Variants in ETV6 observed in about 807,000 individuals in gnomAD.
ETV6 encodes ETS variant transcription factor 6.
ETV6 carries 16 observed loss-of-function variants against 51.1 expected under a neutral mutation model. The observed-to-expected ratio is 0.31, with a 90% CI of 0.21 to 0.48. The LOEUF (loss-of-function observed/expected upper bound fraction) is 0.48. Among genes scored for constraint, ETV6 ranks in the 20% least tolerant of loss-of-function variants. ETV6 has a pLI of 0.99. For synonymous variants in ETV6, 240 were observed against 224.1 expected (o/e 1.07, Z -0.64); for missense variants, 458 against 594.8 (o/e 0.77, Z 2.39).
intron 1 of ETV6, among the ~76,000 whole-genome samples, chr12:11,690,256 C>T (rs920561266): frequency 6.6e-6 from 1 of 151,782 alleles, no homozygotes; most frequent in Non-Finnish European, 1.5e-5. Flanking sequence ...GCAGTGTGAG[C>T]TGTCCTTTCT....
chr12:11,650,363 C>G (rs553574296), intron 1 of ETV6, among the ~76,000 whole-genome samples: 1 of 150,224 alleles, frequency 6.7e-6, no homozygotes, highest in African/African-American at 2.4e-5. Context: ...CCGCCGAGCC[C>G]CTGCCGGCTC....
At position 11,890,986 on chromosome 12, in the gene ETV6, T is replaced by C. The variant is rs773273092; in HGVS notation, c.1299T>C (p.Arg433=). The C allele has an allele frequency of 6.2e-7, 1 of 1,613,906 alleles. No individual in the cohort carries two copies. The highest frequency in any genetic ancestry group is 8.5e-7 in the Non-Finnish European group (1 of 1,179,868). The change falls in exon 8 of 8, where the codon CGT becomes CGC. Residue 433 remains arginine, a synonymous_variant. Coordinates refer to ENST00000396373, the MANE Select transcript of ETV6 (RefSeq NM_001987.5). ...AAATCATGAGTGGCCGAACAGACCG[T>C]CTGGAGCACCTAGAGTCCCAGGAGC... ...PDEIMSGRTD[R]LEHLESQELD...
chr12:11,857,252 A>G (rs1051250277), intron 4 of ETV6, among the ~76,000 whole-genome samples: 1 of 152,208 alleles, frequency 6.6e-6, no homozygotes, highest in African/African-American at 2.4e-5. Flanking sequence ...TTACATTGAA[A>G]CTTACATTGA....
intron 4 of ETV6, among the ~76,000 whole-genome samples, chr12:11,858,821 C>G (rs1010497438): frequency 1.6e-5 from 2 of 124,850 alleles, no homozygotes; most frequent in Admixed American, 7.6e-5. Flanking sequence ...ACATGGAAAT[C>G]GCAAGTGATG....
At chr12:11,816,663 T>C (rs1053064027) in intron 2 of ETV6, among the ~76,000 whole-genome samples, 1 of 152,174 alleles carries the variant, frequency 6.6e-6, no homozygotes, top group Non-Finnish European at 1.5e-5. Context: ...GAACTTGGAA[T>C]TGGAAATCTG....
intron 4 of ETV6, among the ~76,000 whole-genome samples, chr12:11,867,853 G>A (rs952619619): frequency 6.6e-6 from 1 of 152,324 alleles, no homozygotes; most frequent in East Asian, 1.9e-4. Flanking sequence ...ATTGAGTTGG[G>A]TGTGGAGCCG....
At chr12:11,885,802 A>T in intron 6 of ETV6, 124 bp from the exon 7 acceptor site, 1 of 665,116 alleles carries the variant, frequency 1.5e-6, no homozygotes, top group East Asian at 2.8e-5. Context: ...AGCTTCCCAA[A>T]CTGGCAGGGC....
At chr12:11,663,582 A>G (rs1178555291) in intron 1 of ETV6, among the ~76,000 whole-genome samples, 2 of 152,236 alleles carry the variant, frequency 1.3e-5, no homozygotes, top group African/African-American at 4.8e-5. Flanking sequence ...GATGTAAAAT[A>G]TATCTCCTTG....
chr12:11,658,899 C>G (rs928986729), intron 1 of ETV6, among the ~76,000 whole-genome samples: 1 of 152,228 alleles, frequency 6.6e-6, no homozygotes, highest in Non-Finnish European at 1.5e-5. Flanking sequence ...TACAGTGAGT[C>G]TAACTAGCAT....
chr12:11,862,338 C>A (rs1329371209), intron 4 of ETV6, among the ~76,000 whole-genome samples: 2 of 152,168 alleles, frequency 1.3e-5, no homozygotes, highest in Admixed American at 6.5e-5. Context: ...TGGAAAGACT[C>A]CAAACCAAGC....
Position 11,869,767 on chromosome 12 carries a change from G to A in ETV6, c.807G>A (p.Met269Ile). The part of the protein sequence containing the change: ...RQESTRVIQL[M>I]PSPIMHPLIL... ...AGAGCACACGCGTGATCCAGCTGAT[G>A]CCCAGCCCCATCATGCACCCTCTGA... Residue 269 changes from methionine to isoleucine, a missense_variant, in exon 5 of 8, where the codon ATG (methionine) becomes ATA (isoleucine). Physicochemically the swap from Met to Ile is conservative, Grantham distance 10. This residue lies in a region of ETV6 where 293 missense variants were observed against 315.7 expected (regional missense o/e 0.93). Transcript: ENST00000396373. This position sits in a 1 kb window ranked among gnomAD's most constrained non-coding sequence, Gnocchi z 5.0. 6.2e-7 allele frequency: 1 copy of A among 1,613,370 alleles called. No homozygotes were observed. Among genetic ancestry groups the A allele is most frequent in the Non-Finnish European group, 8.5e-7 (1 of 1,180,010 alleles).
intron 1 of ETV6, among the ~76,000 whole-genome samples, chr12:11,720,929 TAAAAG>T (rs1387899546): frequency 3.3e-5 from 5 of 152,078 alleles, no homozygotes; most frequent in Non-Finnish European, 7.4e-5. Context: ...AGACACCTCT[TAAAAG>T]AAGACATACA....
In ETV6 at chr12:11,752,724, C is replaced by G. The variant is rs560413034; in HGVS notation, c.163+145C>G. 8.3e-5 allele frequency: 88 copies of G among 1,057,746 alleles called. 1 individual carries two copies. The South Asian group carries it at 1.5e-3, about 18-fold the overall frequency. The allele number at this position is 1,057,746 out of a possible 1,614,324, so 65.5% of individuals were successfully genotyped here. A position where few individuals can be genotyped will look rare whatever the true frequency, so the allele number is the denominator to read the frequency against. On this transcript the variant is annotated intron_variant, in intron 2 of 7. Coordinates refer to ENST00000396373, the MANE Select transcript of ETV6 (RefSeq NM_001987.5). ...GCTGCTTTGGAATCTTTCACACCCCCCTACCCCCAGATACCTTTGAAAAAT... is the reference window on the plus strand; with the variant it reads ...GCTGCTTTGGAATCTTTCACACCCCGCTACCCCCAGATACCTTTGAAAAAT...
At chr12:11,790,615 T>G (rs1231522343) in intron 2 of ETV6, among the ~76,000 whole-genome samples, 1 of 150,990 alleles carries the variant, frequency 6.6e-6, no homozygotes, top group South Asian at 2.1e-4. Flanking sequence ...CATATGCATG[T>G]TCTTTTAATC....
At chr12:11,805,770 A>G (rs1335674272) in intron 2 of ETV6, among the ~76,000 whole-genome samples, 1 of 152,238 alleles carries the variant, frequency 6.6e-6, no homozygotes, top group African/African-American at 2.4e-5. Flanking sequence ...GAGGTAGAAC[A>G]AGACAGTCAC....
rs531286873 is a variant in ETV6 at position 11,892,645 on chromosome 12, C to T, written c.*1599C>T. Reference sequence around the variant, plus strand: ...ACCCCCTCCTTGTTCCCCTCTGTTTCCTCTACTCAGTTGGGGGAGAAACTC... The same window carrying T: ...ACCCCCTCCTTGTTCCCCTCTGTTTTCTCTACTCAGTTGGGGGAGAAACTC... On this transcript the variant is annotated 3_prime_UTR_variant, in exon 8 of 8. Transcript: ENST00000396373. 187 of 233,076 alleles carry T rather than the reference C, an allele frequency of 8.0e-4. 2 individuals carry two copies. The highest frequency in any genetic ancestry group is 7.6e-3 in the Middle Eastern group (6 of 786). The allele number at this position is 233,076 out of a possible 1,614,324, so 14.4% of individuals were successfully genotyped here. A position where few individuals can be genotyped will look rare whatever the true frequency, so the allele number is the denominator to read the frequency against.
chr12:11,825,504 A>G (rs1200784485), intron 2 of ETV6: 3 of 152,208 alleles, frequency 2.0e-5, no homozygotes, highest in Non-Finnish European at 2.9e-5. Context: ...TCACATGGCC[A>G]TCTCCTCTCC....
intron 2 of ETV6, among the ~76,000 whole-genome samples, chr12:11,808,869 TA>T (rs1945869558): frequency 6.6e-6 from 1 of 151,986 alleles, no homozygotes; most frequent in South Asian, 2.1e-4. Context: ...ATGACCTACT[TA>T]AAAATGACAA....
chr12:11,838,005 A>T (rs1323973325), intron 2 of ETV6, among the ~76,000 whole-genome samples: 1 of 152,224 alleles, frequency 6.6e-6, no homozygotes, highest in Non-Finnish European at 1.5e-5. Flanking sequence ...ATTAATGCAA[A>T]CATATTTTAA....
Sources: gnomAD v4.1 joint callset for allele counts (sites outside exome capture counted in the v4.1 genomes callset) on GRCh38, gnomAD v4.1.1 for gene constraint, gnomAD v4.1.1 regional missense constraint, Gnocchi (gnomAD v3.1) non-coding constraint, MANE v1.5 for transcripts, NCBI Gene and HGNC (gene_info 2026-07-23, HGNC 2026-07-21) for gene names.